The following DAB2IP variants were observed in gnomAD, a reference collection of about 807,000 sequenced individuals.
DAB2IP encodes the protein disabled homolog 2-interacting protein.
A neutral mutation model predicts 107.2 loss-of-function variants in DAB2IP; 28 were observed. The ratio of observed to expected loss-of-function variants is 0.26; its 90% confidence interval spans 0.19 to 0.36. The LOEUF is 0.36. DAB2IP is among the 10% of genes least tolerant of loss of function. The probability of loss-of-function intolerance (pLI) is 1.00; values close to 1 mark genes in which losing one functional copy is unlikely to be tolerated. For synonymous variants in DAB2IP, 755 were observed against 706.4 expected (o/e 1.07, Z -1.09); for missense variants, 1,400 against 1,644.7 (o/e 0.85, Z 2.57).
chr9:121,763,161 ACCAGG>A (rs1834014916), intron 6 of DAB2IP, among the ~76,000 whole-genome samples: 1 of 152,140 alleles, frequency 6.6e-6, no homozygotes, highest in Non-Finnish European at 1.5e-5. Flanking sequence ...TGCTGTGGTC[ACCAGG>A]CCAGGCCTGA....
intron 13 of DAB2IP, among the ~76,000 whole-genome samples, chr9:121,775,176 C>A (rs1835110944): frequency 6.6e-6 from 1 of 152,174 alleles, no homozygotes; most frequent in Non-Finnish European, 1.5e-5. Context: ...CAGCGCAGGC[C>A]CCAGAACGGC....
At chr9:121,624,046 G>A (rs1408432066) in intron 1 of DAB2IP, among the ~76,000 whole-genome samples, 8 of 152,166 alleles carry the variant, frequency 5.3e-5, no homozygotes, top group African/African-American at 1.7e-4. Context: ...TGTCTGGACC[G>A]CAGTTCCCAC....
chr9:121,673,775 G>C (rs1833778328), intron 1 of DAB2IP, among the ~76,000 whole-genome samples: 1 of 152,100 alleles, frequency 6.6e-6, no homozygotes, highest in African/African-American at 2.4e-5. Flanking sequence ...CAGGTCAGGA[G>C]AGAGCCTGGC....
intron 3 of DAB2IP, chr9:121,737,487 G>T (rs1158015218): frequency 1.0e-6 from 1 of 985,468 alleles, no homozygotes; most frequent in Non-Finnish European, 1.2e-6. Context: ...CGGCCGAGAG[G>T]CCCCCTAATC....
intron 3 of DAB2IP, among the ~76,000 whole-genome samples, chr9:121,709,466 C>T (rs193028504): frequency 1.3e-4 from 20 of 152,234 alleles, no homozygotes; most frequent in Admixed American, 1.0e-3. Context: ...CTTACTATAG[C>T]CCTTTGAAGG....
intron 1 of DAB2IP, among the ~76,000 whole-genome samples, chr9:121,674,771 C>T (rs1833823531): frequency 6.6e-6 from 1 of 152,050 alleles, no homozygotes; most frequent in Admixed American, 6.5e-5. Context: ...AGTGGAAAGA[C>T]ATCCTCACCG....
In DAB2IP at chr9:121,760,570, T is replaced by A; in HGVS notation, c.1170+131T>A. The stretch of plus-strand genomic sequence containing the variant: ...ACCGGTCACTACCAGAAGGGCTCCC[T>A]AAACCCAAAAGTTCTATCGTGGGCT... On this transcript the variant is annotated intron_variant, in intron 6 of 15. Coordinates refer to ENST00000408936, the Ensembl canonical transcript of DAB2IP. This position sits in a 1 kb window ranked among gnomAD's most constrained non-coding sequence, Gnocchi z 5.9. 1 of 1,167,260 alleles carries A rather than the reference T, an allele frequency of 8.6e-7. No individual in the cohort carries two copies. Among genetic ancestry groups the A allele is most frequent in the Non-Finnish European group, 1.2e-6 (1 of 856,692 alleles). 72.3% of individuals were successfully genotyped at this position (1,167,260 alleles called of 1,614,324 possible).
intron 12 of DAB2IP, 136 bp from the exon 13 acceptor site, chr9:121,774,124 C>A: frequency 2.0e-6 from 2 of 1,005,578 alleles, no homozygotes; most frequent in Non-Finnish European, 2.7e-6. Context: ...CCTCGGTAGG[C>A]GCTCAGTCAG....
chr9:121,586,058 CT>C (rs1830305251), intron 1 of DAB2IP, among the ~76,000 whole-genome samples: 1 of 152,116 alleles, frequency 6.6e-6, no homozygotes, highest in Non-Finnish European at 1.5e-5. Context: ...CATTTCGCCC[CT>C]AGATGACTTT....
At chr9:121,585,179 C>T (rs1019553412) in intron 1 of DAB2IP, among the ~76,000 whole-genome samples, 3 of 152,178 alleles carry the variant, frequency 2.0e-5, no homozygotes, top group African/African-American at 7.2e-5. Context: ...TCAGTTTCTT[C>T]CTCAATAAAA....
exon 16 of DAB2IP, chr9:121,783,567 C>T (rs746296276): frequency 3.0e-5 from 49 of 1,613,840 alleles, no homozygotes; most frequent in Non-Finnish European, 4.2e-5. Context: ...CGCTTGCTCG[C>T]TTGCTGGAAC....
chr9:121,716,613 G>A (rs1259157098), intron 3 of DAB2IP, among the ~76,000 whole-genome samples: 2 of 152,120 alleles, frequency 1.3e-5, no homozygotes, highest in African/African-American at 2.4e-5. Context: ...ATCCATCCCC[G>A]TCCCAGCACC....
In DAB2IP at chr9:121,772,845, G is replaced by A. The variant is rs1834868054; in HGVS notation, c.2317G>A (p.Asp773Asn). Residue 773 changes from aspartate to asparagine, a missense_variant, in exon 12 of 16, where the codon GAT becomes AAT. By Grantham distance (23) the Asp-to-Asn change is conservative. This residue lies in a region of DAB2IP where 600 missense variants were observed against 659.1 expected (regional missense o/e 0.91). Transcript: ENST00000408936. The surrounding 1 kb of genome is among the most constrained non-coding windows in gnomAD (Gnocchi z 4.7). ...GGCGGGCCCCGACGTCCTCCCCACA[G>A]ATGGGCAGGCCGCTGCAGCTCAGCT... is the stretch of plus-strand genomic sequence containing the variant. 1 of 1,601,138 alleles carries A rather than the reference G, an allele frequency of 6.2e-7. No individual in the cohort carries two copies. The highest frequency in any genetic ancestry group is 1.1e-5 in the South Asian group (1 of 90,434).
rs2118982338 is a variant in DAB2IP, at chr9:121,614,522, G to A, written c.40+47294G>A. ...TGCCTGGCTAATTTTTGTATTTTCA[G>A]TAGAGACGGGGTTTCACTATGTTGG... is the stretch of plus-strand genomic sequence containing the variant. On this transcript the variant is annotated intron_variant, in intron 1 of 16. Coordinates refer to the DAB2IP transcript ENST00000259371. 2.0e-5 allele frequency among the ~76,000 whole-genome samples: 3 copies of A among 151,424 alleles called. 1 individual carries two copies. In the South Asian group the frequency reaches 6.3e-4, roughly 32 times the overall value.
chr9:121,731,202 A>T (rs934312007), intron 3 of DAB2IP, among the ~76,000 whole-genome samples: 2 of 152,192 alleles, frequency 1.3e-5, no homozygotes, highest in Non-Finnish European at 2.9e-5. Flanking sequence ...TTTCCTGAGG[A>T]CAGACCGGGT....
intron 1 of DAB2IP, among the ~76,000 whole-genome samples, chr9:121,610,108 C>A (rs1236956121): frequency 6.6e-6 from 1 of 151,960 alleles, no homozygotes; most frequent in Non-Finnish European, 1.5e-5. Context: ...TTGGTTGGGA[C>A]TTTGTACTTG....
intron 1 of DAB2IP, among the ~76,000 whole-genome samples, chr9:121,659,957 C>T (rs1833134170): frequency 6.6e-6 from 1 of 151,990 alleles, no homozygotes; most frequent in African/African-American, 2.4e-5. Flanking sequence ...TATGTGTGAC[C>T]TGGGTGCCAG....
intron 1 of DAB2IP, among the ~76,000 whole-genome samples, chr9:121,609,306 G>T (rs888955069): frequency 2.0e-5 from 3 of 152,154 alleles, no homozygotes; most frequent in South Asian, 4.1e-4. Context: ...ATGGTGGGAG[G>T]AATTAAGTGA....
intron 1 of DAB2IP, among the ~76,000 whole-genome samples, chr9:121,577,048 C>G: frequency 6.6e-6 from 1 of 152,230 alleles, no homozygotes; most frequent in East Asian, 1.9e-4. Context: ...CATTACTCGC[C>G]TCTGGTCTGA....
Sources: gnomAD v4.1 joint callset for allele counts (sites outside exome capture counted in the v4.1 genomes callset) on GRCh38, gnomAD v4.1.1 for gene constraint, gnomAD v4.1.1 regional missense constraint, Gnocchi (gnomAD v3.1) non-coding constraint, MANE v1.5 for transcripts, NCBI Gene and HGNC (gene_info 2026-07-23, HGNC 2026-07-21) for gene names.